The following CHN1 variants were observed in gnomAD, a reference collection of about 807,000 sequenced individuals.
The protein encoded by CHN1 is chimerin 1, also known as N-chimaerin.
Under a neutral mutation model 59.5 loss-of-function variants are expected in CHN1, and 37 were observed. The ratio of observed to expected loss-of-function variants is 0.62; its 90% confidence interval spans 0.48 to 0.82. The LOEUF (loss-of-function observed/expected upper bound fraction) is 0.82, where lower values mean the gene tolerates loss of function less well. Among genes scored for constraint, CHN1 ranks in the 40% least tolerant of loss-of-function variants. CHN1 has a pLI of 0.00. For missense variants in CHN1, 469 were observed against 571.0 expected, an observed-to-expected ratio of 0.82 and a Z score of 1.82; for synonymous variants, 206 against 200.4, an observed-to-expected ratio of 1.03 and a Z score of -0.24.
At chr2:174,979,698 C>T (rs1177544330) in intron 1 of CHN1, among the ~76,000 whole-genome samples, 1 of 151,888 alleles carries the variant, frequency 6.6e-6, no homozygotes, top group African/African-American at 2.4e-5. Flanking sequence ...CTGGCCAACA[C>T]AGTGAAACCC....
At chr2:174,888,110 T>C (rs921803679) in intron 5 of CHN1, among the ~76,000 whole-genome samples, 3 of 152,206 alleles carry the variant, frequency 2.0e-5, no homozygotes, top group Admixed American at 6.5e-5. Context: ...ACATGTTCAA[T>C]AGAGACTCAA....
chr2:174,985,842 T>C, intron 1 of CHN1, among the ~76,000 whole-genome samples: 1 of 152,178 alleles, frequency 6.6e-6, no homozygotes, highest in East Asian at 1.9e-4. Flanking sequence ...TTGCTGCATT[T>C]CCATAAGTTA....
At chr2:174,895,833 A>G (rs1332920380) in intron 5 of CHN1, among the ~76,000 whole-genome samples, 1 of 152,150 alleles carries the variant, frequency 6.6e-6, no homozygotes, top group Non-Finnish European at 1.5e-5. Context: ...TCCTCAGCTC[A>G]ACTCACAAAA....
intron 5 of CHN1, among the ~76,000 whole-genome samples, chr2:174,885,976 G>C (rs934267924): frequency 6.6e-6 from 1 of 152,138 alleles, no homozygotes; most frequent in African/African-American, 2.4e-5. Context: ...TTGAATAATA[G>C]ACTTGGCATA....
chr2:174,807,152 A>G (rs932438851), intron 11 of CHN1, among the ~76,000 whole-genome samples: 2 of 152,214 alleles, frequency 1.3e-5, no homozygotes, highest in African/African-American at 4.8e-5. Context: ...GATTTTCTTC[A>G]GCAGCTAAGG....
rs114719393 is a variant in CHN1, at chr2:174,944,649, C to T, written c.114+239G>A. Among the ~76,000 whole-genome samples, 1,413 of 152,152 alleles carry T rather than the reference C, an allele frequency of 9.3e-3. 23 individuals are homozygous for T. Among genetic ancestry groups the T allele is most frequent in the African/African-American group, 0.032 (1,329 of 41,500 alleles). The stretch of plus-strand genomic sequence containing the variant: ...ATGTATGAATTAACTGAAAAGAATA[C>T]GAACAACCCTTAAAACTATATGGTC... On this transcript the variant is annotated intron_variant, in intron 3 of 12. Transcript: ENST00000409900.
Position 174,992,981 on chromosome 2 carries a change from A to T in CHN1, c.19+11913T>A, listed in dbSNP as rs144747473. The stretch of plus-strand genomic sequence containing the variant: ...TTTTTTTATTTTTTGTAAAGATGAG[A>T]GTCTCACTACATTGCTCAGGCTGCT... On this transcript the variant is annotated intron_variant, in intron 1 of 12. Coordinates refer to ENST00000409900, the MANE Select transcript of CHN1 (RefSeq NM_001822.7). Among the ~76,000 whole-genome samples the T allele has an allele frequency of 3.8e-3, 571 of 152,036 alleles. 4 individuals are homozygous for T. Among genetic ancestry groups the T allele is most frequent in the African/African-American group, 0.013 (547 of 41,452 alleles).
At chr2:174,964,608 G>C (rs980146372) in intron 1 of CHN1, among the ~76,000 whole-genome samples, 1 of 152,122 alleles carries the variant, frequency 6.6e-6, no homozygotes, top group Admixed American at 6.5e-5. Flanking sequence ...GCAAACTTAC[G>C]CATAATAAAG....
chr2:174,917,574 C>T (rs981444541), intron 4 of CHN1, among the ~76,000 whole-genome samples: 12 of 151,924 alleles, frequency 7.9e-5, no homozygotes, highest in Non-Finnish European at 1.0e-4. Context: ...CAAGACCGCA[C>T]GTACTGAGAT....
chr2:174,919,063 T>C (rs1688928112), intron 3 of CHN1, among the ~76,000 whole-genome samples: 1 of 152,074 alleles, frequency 6.6e-6, no homozygotes, highest in African/African-American at 2.4e-5. Context: ...CTAAGAAAAG[T>C]CCCAGCAAGA....
Position 174,940,620 on chromosome 2 carries a change from C to T in CHN1, c.114+4268G>A, listed in dbSNP as rs548964537. Among the ~76,000 whole-genome samples the T allele has an allele frequency of 3.0e-4, 46 of 151,886 alleles. 1 individual carries two copies. Among genetic ancestry groups the T allele is most frequent in the Non-Finnish European group, 5.3e-4 (36 of 67,980 alleles). ...ACATTCTGAATTTGTCTGATTCGTA[C>T]TTTATAACTAGATTTAAGTTAAACA... On this transcript the variant is annotated intron_variant, in intron 3 of 12. Transcript: ENST00000409900.
chr2:174,805,727 T>C (rs1684864309), intron 11 of CHN1, among the ~76,000 whole-genome samples: 2 of 152,214 alleles, frequency 1.3e-5, no homozygotes, highest in East Asian at 1.9e-4. Context: ...AAAGCTCTTC[T>C]ACAGTATGTC....
intron 1 of CHN1, among the ~76,000 whole-genome samples, chr2:174,995,842 T>C (rs1414435499): frequency 6.6e-6 from 1 of 152,228 alleles, no homozygotes; most frequent in Non-Finnish European, 1.5e-5. Context: ...GTAAGTCACT[T>C]AGTAGCCATT....
intron 8 of CHN1, among the ~76,000 whole-genome samples, chr2:174,821,366 A>T (rs374975740): frequency 2.3e-4 from 35 of 152,164 alleles, no homozygotes; most frequent in African/African-American, 8.2e-4. Flanking sequence ...TTCTGTCCTT[A>T]TATCATCTTT....
intron 1 of CHN1, among the ~76,000 whole-genome samples, chr2:174,988,185 C>T (rs923615045): frequency 6.6e-6 from 1 of 151,782 alleles, no homozygotes; most frequent in African/African-American, 2.4e-5. Flanking sequence ...GGTGAAACCC[C>T]GTCTCTACTA....
At chr2:174,945,509 G>C (rs1293852289) in intron 2 of CHN1, among the ~76,000 whole-genome samples, 10 of 152,194 alleles carry the variant, frequency 6.6e-5, no homozygotes, top group Admixed American at 2.6e-4. Flanking sequence ...CAAATAACTT[G>C]CCAAAAGAGG....
At chr2:174,850,677 T>C (rs1686701498) in intron 6 of CHN1, among the ~76,000 whole-genome samples, 1 of 152,170 alleles carries the variant, frequency 6.6e-6, no homozygotes, top group African/African-American at 2.4e-5. Context: ...CTATACCACA[T>C]AAGCATGCCT....
At position 174,799,759 on chromosome 2, in the gene CHN1, C is replaced by T; in HGVS notation, c.*357G>A. On this transcript the variant is annotated 3_prime_UTR_variant, in exon 13 of 13. Coordinates refer to ENST00000409900, the MANE Select transcript of CHN1 (RefSeq NM_001822.7). ...AAAGCAAAGTCACAACAGGCTTACT[C>T]TGTGAAACATGCTGGATTACAAGCA... 1 of 539,486 alleles carries T rather than the reference C, an allele frequency of 1.9e-6. No individual in the cohort carries two copies. The highest frequency in any genetic ancestry group is 1.5e-5 in the South Asian group (1 of 65,228). 33.4% of individuals were successfully genotyped at this position (539,486 alleles called of 1,614,324 possible).
intron 1 of CHN1, among the ~76,000 whole-genome samples, chr2:174,979,393 A>C (rs1342445263): frequency 6.6e-6 from 1 of 152,202 alleles, no homozygotes; most frequent in East Asian, 1.9e-4. Flanking sequence ...AAGAAAGATC[A>C]ATTTACTAAT....
Sources: gnomAD v4.1 joint callset for allele counts (sites outside exome capture counted in the v4.1 genomes callset) on GRCh38, gnomAD v4.1.1 for gene constraint, MANE v1.5 for transcripts, NCBI Gene and HGNC (gene_info 2026-07-23, HGNC 2026-07-21) for gene names.